The following COMMD10 variants were observed in gnomAD, a reference collection of about 807,000 sequenced individuals.
The protein encoded by COMMD10 is COMM domain containing 10, also known as COMM domain-containing protein 10.
Under a neutral mutation model 28.9 loss-of-function variants are expected in COMMD10, and 33 were observed. That is an observed-to-expected ratio of 1.14 (90% CI 0.87 to 1.53). COMMD10 has a LOEUF of 1.53. Among genes scored for constraint, COMMD10 ranks in the 40% most tolerant of loss-of-function variants. The pLI, the probability that COMMD10 is intolerant of heterozygous loss-of-function variation, is 0.00. For synonymous variants in COMMD10, 110 were observed against 81.7 expected (o/e 1.35, Z -1.87); for missense variants, 310 against 233.4 (o/e 1.33, Z -2.14).
intron 5 of COMMD10, among the ~76,000 whole-genome samples, chr5:116,183,465 A>T (rs1288843577): frequency 6.6e-6 from 1 of 152,158 alleles, no homozygotes; most frequent in Non-Finnish European, 1.5e-5. Flanking sequence ...CATATTTTTC[A>T]GGTATCCAAG....
At chr5:116,118,829 T>G (rs935723338) in intron 4 of COMMD10, among the ~76,000 whole-genome samples, 1 of 152,216 alleles carries the variant, frequency 6.6e-6, no homozygotes, top group South Asian at 2.1e-4. Context: ...AGACCCTTAA[T>G]CAGTCTTATT....
At chr5:116,285,797 G>A (rs557085630) in intron 5 of COMMD10, among the ~76,000 whole-genome samples, 8 of 151,698 alleles carry the variant, frequency 5.3e-5, no homozygotes, top group Non-Finnish European at 1.0e-4. Flanking sequence ...GGATTTTTGC[G>A]TCAATACTTA....
chr5:116,146,063 A>G (rs1239682558), intron 5 of COMMD10, among the ~76,000 whole-genome samples: 1 of 151,924 alleles, frequency 6.6e-6, no homozygotes, highest in Non-Finnish European at 1.5e-5. Flanking sequence ...GTGACTTTTA[A>G]TTTGAGTCTT....
chr5:116,278,537 C>T (rs1361706637), intron 5 of COMMD10, among the ~76,000 whole-genome samples: 1 of 151,682 alleles, frequency 6.6e-6, no homozygotes, highest in Admixed American at 6.6e-5. Flanking sequence ...GGTATTTTAG[C>T]CAAACTCAAA....
At chr5:116,119,914 C>G (rs1398184864) in intron 4 of COMMD10, among the ~76,000 whole-genome samples, 1 of 152,062 alleles carries the variant, frequency 6.6e-6, no homozygotes, top group Non-Finnish European at 1.5e-5. Flanking sequence ...GTCACTGTGC[C>G]TGCCTTGTAT....
chr5:116,235,229 A>G lies in COMMD10; in HGVS notation c.511-56288A>G, dbSNP rs531785846. 5.3e-5 allele frequency among the ~76,000 whole-genome samples: 8 copies of G among 152,344 alleles called. No individual in the cohort carries two copies. In the East Asian group the frequency reaches 1.3e-3, roughly 26 times the overall value. On this transcript the variant is annotated intron_variant, in intron 5 of 6. Coordinates refer to ENST00000274458, the MANE Select transcript of COMMD10 (RefSeq NM_016144.4). ...GTCAAAACATAGTCAAAAACAGAGA[A>G]CAGATTGATAATGAATACTTAATTC... is the stretch of plus-strand genomic sequence containing the variant.
intron 5 of COMMD10, among the ~76,000 whole-genome samples, chr5:116,257,896 T>C (rs1297193764): frequency 6.6e-6 from 1 of 151,700 alleles, no homozygotes; most frequent in Non-Finnish European, 1.5e-5. Flanking sequence ...GAATTAATAC[T>C]TAAGCTTTTT....
intron 1 of COMMD10, among the ~76,000 whole-genome samples, chr5:116,086,246 C>T (rs1251056683): frequency 6.6e-6 from 1 of 152,198 alleles, no homozygotes; most frequent in Non-Finnish European, 1.5e-5. Flanking sequence ...AGCCTCCTGA[C>T]CCTATTTTCC....
At chr5:116,225,333 T>G (rs1225296652) in intron 5 of COMMD10, among the ~76,000 whole-genome samples, 3 of 148,208 alleles carry the variant, frequency 2.0e-5, no homozygotes, top group African/African-American at 7.4e-5. Flanking sequence ...CCTGAAGACT[T>G]TCCTGTTTGT....
At chr5:116,215,533 A>G (rs1749070904) in intron 5 of COMMD10, among the ~76,000 whole-genome samples, 1 of 151,638 alleles carries the variant, frequency 6.6e-6, no homozygotes, top group South Asian at 2.1e-4. Context: ...CTAAAAATAC[A>G]AAAATGAGCC....
intron 5 of COMMD10, among the ~76,000 whole-genome samples, chr5:116,155,727 A>G (rs1420775940): frequency 1.3e-5 from 2 of 152,030 alleles, no homozygotes. Flanking sequence ...CAGCCAAATT[A>G]TTTTAATTAG....
chr5:116,194,051 C>T (rs1040174275), intron 5 of COMMD10, among the ~76,000 whole-genome samples: 1 of 152,126 alleles, frequency 6.6e-6, no homozygotes, highest in Admixed American at 6.6e-5. Flanking sequence ...AATTAAATAA[C>T]TTGCTCCTGA....
chr5:116,170,968 A>G (rs1753308983), intron 5 of COMMD10, among the ~76,000 whole-genome samples: 1 of 152,214 alleles, frequency 6.6e-6, no homozygotes, highest in Non-Finnish European at 1.5e-5. Flanking sequence ...ATGGCAACAA[A>G]GGCCAAAATT....
chr5:116,216,952 G>C (rs1749119301), intron 5 of COMMD10, among the ~76,000 whole-genome samples: 2 of 152,012 alleles, frequency 1.3e-5, no homozygotes, highest in South Asian at 4.1e-4. Flanking sequence ...TCCAAAAAAA[G>C]ATGAAAGGAT....
intron 5 of COMMD10, among the ~76,000 whole-genome samples, chr5:116,135,170 A>G (rs758814383): frequency 6.6e-6 from 1 of 152,198 alleles, no homozygotes; most frequent in Non-Finnish European, 1.5e-5. Context: ...TTAAGACAAA[A>G]TAGAATTGAG....
At chr5:116,250,491 C>T (rs889646682) in intron 5 of COMMD10, among the ~76,000 whole-genome samples, 2 of 151,196 alleles carry the variant, frequency 1.3e-5, no homozygotes, top group Non-Finnish European at 2.9e-5. Flanking sequence ...AAAAAAAATT[C>T]TATTTGATTG....
intron 5 of COMMD10, among the ~76,000 whole-genome samples, chr5:116,243,921 TA>T (rs1212510148): frequency 6.6e-6 from 1 of 152,116 alleles, no homozygotes; most frequent in Non-Finnish European, 1.5e-5. Flanking sequence ...CCACTCCCCA[TA>T]ATTAAGATGC....
chr5:116,122,886 A>G (rs905882574), intron 4 of COMMD10, among the ~76,000 whole-genome samples: 2 of 152,134 alleles, frequency 1.3e-5, no homozygotes, highest in Admixed American at 1.3e-4. Context: ...GGCTGAGACG[A>G]TGGGGTTTTC....
At chr5:116,274,357 A>G (rs1333224247) in intron 5 of COMMD10, among the ~76,000 whole-genome samples, 2 of 151,904 alleles carry the variant, frequency 1.3e-5, no homozygotes, top group Middle Eastern at 3.2e-3. Flanking sequence ...TTTGCAGACT[A>G]TACAGCTCTG....
Sources: gnomAD v4.1 joint callset for allele counts (sites outside exome capture counted in the v4.1 genomes callset) on GRCh38, gnomAD v4.1.1 for gene constraint, MANE v1.5 for transcripts, NCBI Gene and HGNC (gene_info 2026-07-23, HGNC 2026-07-21) for gene names.